Variants in YES1 observed in about 807,000 individuals in gnomAD.
YES1 encodes YES proto-oncogene 1, Src family tyrosine kinase.
In YES1, 39 loss-of-function variants were observed where a neutral mutation model predicts 70.4. The observed-to-expected ratio is 0.55, with a 90% CI of 0.43 to 0.72. The LOEUF (loss-of-function observed/expected upper bound fraction) is 0.72, where lower values mean the gene tolerates loss of function less well. YES1 is among the 30% of genes least tolerant of loss of function. YES1 has a pLI of 0.00. For missense variants in YES1, 495 were observed against 644.8 expected, an observed-to-expected ratio of 0.77 and a Z score of 2.52; for synonymous variants, 198 against 218.6, an observed-to-expected ratio of 0.91 and a Z score of 0.83.
intron 1 of YES1, among the ~76,000 whole-genome samples, chr18:802,541 T>C (rs974810608): frequency 6.1e-5 from 8 of 131,630 alleles, no homozygotes; most frequent in African/African-American, 1.8e-4. Context: ...TGAAACTCCA[T>C]CTCAAAAAAA....
At chr18:735,014 G>A (rs1053284983) in intron 10 of YES1, among the ~76,000 whole-genome samples, 3 of 151,876 alleles carry the variant, frequency 2.0e-5, no homozygotes, top group South Asian at 2.1e-4. Flanking sequence ...AAAATTAGCC[G>A]GGCCTGGTGG....
intron 4 of YES1, among the ~76,000 whole-genome samples, chr18:746,846 G>T (rs3911636): frequency 0.089 from 13,465 of 152,076 alleles, 757 homozygotes; most frequent in East Asian, 0.27. Flanking sequence ...CCTACAACTA[G>T]GTTCCCCAAT....
At chr18:799,884 C>T (rs539603068) in intron 1 of YES1, among the ~76,000 whole-genome samples, 1 of 148,898 alleles carries the variant, frequency 6.7e-6, no homozygotes, top group African/African-American at 2.5e-5. Flanking sequence ...GACTCTGTCT[C>T]AAAACAAACA....
chr18:756,928 G>A, intron 1 of YES1, 93 bp from the exon 2 acceptor site: 1 of 1,209,244 alleles, frequency 8.3e-7, no homozygotes, highest in Non-Finnish European at 1.1e-6. Flanking sequence ...AAAAGCATAT[G>A]CCATCCCTGC....
intron 6 of YES1, 78 bp downstream of exon 6, chr18:745,630 G>C: frequency 1.5e-6 from 2 of 1,347,040 alleles, no homozygotes; most frequent in Non-Finnish European, 1.0e-6. Context: ...TAAATCTTAA[G>C]AGAAATGAGG....
Position 756,645 on chromosome 18 carries a change from T to A in YES1, c.183A>T (p.Pro61=), listed in dbSNP as rs781683436. Residue 61 remains proline (P), a synonymous_variant, in exon 2 of 12, where the codon CCA becomes CCT. Coordinates refer to ENST00000314574, the MANE Select transcript of YES1 (RefSeq NM_005433.4). ...AVNFSSLSMT[P]FGGSSGVTPF... is the part of the protein sequence containing the mutation. ...GCGTTACCCCTGAGGATCCTCCAAA[T>A]GGTGTCATGGAAAGACTGCTGAAAT... 6.8e-6 allele frequency: 11 copies of A among 1,614,146 alleles called. No homozygotes were observed. The highest frequency in any genetic ancestry group is 9.3e-6 in the Non-Finnish European group (11 of 1,180,020).
chr18:737,886 T>C (rs917766148), intron 9 of YES1, among the ~76,000 whole-genome samples: 11 of 152,088 alleles, frequency 7.2e-5, no homozygotes, highest in African/African-American at 2.4e-4. Flanking sequence ...ACCCAGCTAA[T>C]GTTTGTATTT....
intron 1 of YES1, among the ~76,000 whole-genome samples, chr18:802,897 C>A (rs764108599): frequency 1.3e-5 from 2 of 151,844 alleles, no homozygotes; most frequent in Non-Finnish European, 2.9e-5. Flanking sequence ...GCCTGGGCAA[C>A]AAGGTGAAAC....
chr18:762,633 A>T lies in YES1; in HGVS notation c.-8-5798T>A, dbSNP rs117959130. Reference sequence around the variant, plus strand: ...CATTAATAACATACATTATGGGATTAAAAAAAACTATATACTGGGTACAAC... The same window carrying T: ...CATTAATAACATACATTATGGGATTTAAAAAAACTATATACTGGGTACAAC... On this transcript the variant is annotated intron_variant, in intron 1 of 11. Coordinates refer to ENST00000314574, the MANE Select transcript of YES1 (RefSeq NM_005433.4). Among the ~76,000 whole-genome samples the T allele has an allele frequency of 4.9e-3, 741 of 152,138 alleles. 17 individuals are homozygous for T. Among genetic ancestry groups the T allele is most frequent in the East Asian group, 0.024 (127 of 5,184 alleles).
intron 3 of YES1, among the ~76,000 whole-genome samples, chr18:751,340 T>C (rs1283143500): frequency 6.6e-6 from 1 of 152,178 alleles, no homozygotes; most frequent in African/African-American, 2.4e-5. Context: ...CCCTCCTTTT[T>C]TTTTAATAGA....
intron 10 of YES1, among the ~76,000 whole-genome samples, chr18:734,270 C>T (rs548469390): frequency 1.4e-5 from 2 of 147,776 alleles, no homozygotes; most frequent in African/African-American, 5.0e-5. Context: ...AAAAGCAAAA[C>T]TTGGCCAGGC....
At chr18:788,297 G>C (rs1906069065) in intron 1 of YES1, among the ~76,000 whole-genome samples, 1 of 151,926 alleles carries the variant, frequency 6.6e-6, no homozygotes, top group South Asian at 2.1e-4. Context: ...TTTTAGCGTG[G>C]GCTATAAAAT....
intron 1 of YES1, among the ~76,000 whole-genome samples, chr18:776,314 C>T (rs777181321): frequency 6.6e-6 from 1 of 152,130 alleles, no homozygotes; most frequent in Non-Finnish European, 1.5e-5. Context: ...GTGCCTCAGC[C>T]TCCCATGTAG....
intron 1 of YES1, among the ~76,000 whole-genome samples, chr18:803,557 T>C (rs935297073): frequency 1.3e-5 from 2 of 152,146 alleles, no homozygotes; most frequent in African/African-American, 4.8e-5. Context: ...AGGGTTAGAG[T>C]ATGAGGCAGG....
chr18:779,098 C>T (rs1905526738), intron 1 of YES1, among the ~76,000 whole-genome samples: 1 of 151,996 alleles, frequency 6.6e-6, no homozygotes, highest in Non-Finnish European at 1.5e-5. Context: ...ATGAGAAGAG[C>T]CTGATGTAAA....
At chr18:788,321 C>T (rs1568215094) in intron 1 of YES1, among the ~76,000 whole-genome samples, 1 of 152,062 alleles carries the variant, frequency 6.6e-6, no homozygotes, top group Non-Finnish European at 1.5e-5. Context: ...CATTTATATT[C>T]AGCTTTTCAT....
At chr18:767,881 A>G (rs1190835912) in intron 1 of YES1, among the ~76,000 whole-genome samples, 1 of 152,020 alleles carries the variant, frequency 6.6e-6, no homozygotes, top group Non-Finnish European at 1.5e-5. Flanking sequence ...TTGTATTTTT[A>G]GTAGAGATGG....
chr18:788,755 A>G (rs1011664683), intron 1 of YES1, among the ~76,000 whole-genome samples: 13 of 152,142 alleles, frequency 8.5e-5, no homozygotes, highest in African/African-American at 2.9e-4. Context: ...CCCTGTCTCT[A>G]CTAAAAATAT....
At position 722,837 on chromosome 18, in the gene YES1, A is replaced by T. The variant is rs1007282671; in HGVS notation, c.*1587T>A. On this transcript the variant is annotated 3_prime_UTR_variant, in exon 12 of 12. Transcript: ENST00000314574. Reference sequence around the variant, plus strand: ...GCTGGGCGCGGTGGCTCACGCCTGTAATCCCAGCACTTTGGGAGGCCGAGG... The same window carrying T: ...GCTGGGCGCGGTGGCTCACGCCTGTTATCCCAGCACTTTGGGAGGCCGAGG... 2 of 152,252 alleles carry T rather than the reference A, an allele frequency of 1.3e-5. No homozygotes were observed. Among genetic ancestry groups the T allele is most frequent in the African/African-American group, 4.8e-5 (2 of 41,456 alleles). 9.4% of individuals were successfully genotyped at this position (152,252 alleles called of 1,614,324 possible).
Sources: gnomAD v4.1 joint callset for allele counts (sites outside exome capture counted in the v4.1 genomes callset) on GRCh38, gnomAD v4.1.1 for gene constraint, MANE v1.5 for transcripts, NCBI Gene and HGNC (gene_info 2026-07-23, HGNC 2026-07-21) for gene names.